The following FAM174A variants were observed in gnomAD, a reference collection of about 807,000 sequenced individuals.
FAM174A encodes the protein membrane protein FAM174A.
In FAM174A, 14 loss-of-function variants were observed where a neutral mutation model predicts 14.3. The observed-to-expected ratio is 0.98, with a 90% CI of 0.65 to 1.53. FAM174A has a LOEUF of 1.53. Ranked by LOEUF, FAM174A falls within the 40% of genes most tolerant of loss-of-function variation. FAM174A has a pLI of 0.00. For synonymous variants in FAM174A, 108 were observed against 111.4 expected, an observed-to-expected ratio of 0.97 and a Z score of 0.19; for missense variants, 241 against 249.6, an observed-to-expected ratio of 0.97 and a Z score of 0.23.
At chr5:100,576,817 T>A (rs1486209608) in intron 2 of FAM174A, among the ~76,000 whole-genome samples, 1 of 152,176 alleles carries the variant, frequency 6.6e-6, no homozygotes. Flanking sequence ...TTAGAGGCAA[T>A]TTTTTTGTTT....
At chr5:100,555,415 A>G (rs1193491197) in intron 1 of FAM174A, among the ~76,000 whole-genome samples, 1 of 152,122 alleles carries the variant, frequency 6.6e-6, no homozygotes. Flanking sequence ...TTATAGCAGC[A>G]TGTTTTATAG....
At chr5:100,582,964 T>C (rs1190224137) in intron 2 of FAM174A, among the ~76,000 whole-genome samples, 5 of 152,204 alleles carry the variant, frequency 3.3e-5, no homozygotes, top group African/African-American at 1.2e-4. Flanking sequence ...ACTTAACTAC[T>C]AATAACCTGC....
intron 2 of FAM174A, among the ~76,000 whole-genome samples, chr5:100,583,260 G>A (rs1747055865): frequency 6.6e-6 from 1 of 152,100 alleles, no homozygotes; most frequent in African/African-American, 2.4e-5. Context: ...TGAAGCAGGT[G>A]GAAGGGGAGG....
chr5:100,549,278 A>G (rs1458872867), intron 1 of FAM174A, among the ~76,000 whole-genome samples: 1 of 152,166 alleles, frequency 6.6e-6, no homozygotes, highest in Admixed American at 6.6e-5. Context: ...ACTTTTAGAA[A>G]TGGAGGTCAG....
Position 100,556,724 on chromosome 5 carries a change from C to G in FAM174A, c.435-5330C>G, listed in dbSNP as rs143679155. ...AAGCAATTGTGAATGGAAGTTCACT[C>G]ATGATTTGGCTGTCCGTTTGTCTGT... On this transcript the variant is annotated intron_variant, in intron 1 of 2. Transcript: ENST00000312637. Among the ~76,000 whole-genome samples, 1,250 of 152,240 alleles carry G rather than the reference C, an allele frequency of 8.2e-3. 14 individuals carry two copies. The highest frequency in any genetic ancestry group is 0.029 in the African/African-American group (1,190 of 41,546).
chr5:100,555,986 CTTTTGGTG>C (rs1746369821), intron 1 of FAM174A, among the ~76,000 whole-genome samples: 1 of 152,120 alleles, frequency 6.6e-6, no homozygotes. Context: ...GTTGCCATTG[CTTTTGGTG>C]TTTTCGACAT....
At chr5:100,561,263 T>C (rs1181737417) in intron 1 of FAM174A, among the ~76,000 whole-genome samples, 1 of 151,996 alleles carries the variant, frequency 6.6e-6, no homozygotes, top group African/African-American at 2.4e-5. Context: ...AAGCCAGTGG[T>C]TCTCAAACTT....
At chr5:100,573,846 CA>C (rs1477582195) in intron 2 of FAM174A, among the ~76,000 whole-genome samples, 1 of 151,416 alleles carries the variant, frequency 6.6e-6, no homozygotes, top group East Asian at 1.9e-4. Flanking sequence ...CTACAGTAAC[CA>C]AAACAGCATG....
Position 100,562,157 on chromosome 5 carries a change from A to C in FAM174A, c.538A>C (p.Asn180His). The stretch of plus-strand genomic sequence containing the variant: ...AGAACAGGATGATGAGGATGATGAC[A>C]ACACGTTGTTTGATGCCAATCATCC... ...PLEQDDEDDD[N>H]TLFDANHPRR The change falls in exon 2 of 3, where the codon AAC becomes CAC. Residue 180 changes from asparagine to histidine, a missense_variant. Coordinates refer to ENST00000312637, the MANE Select transcript of FAM174A (RefSeq NM_198507.3). 6.3e-7 allele frequency: 1 copy of C among 1,582,730 alleles called. No individual in the cohort carries two copies. The highest frequency in any genetic ancestry group is 8.6e-7 in the Non-Finnish European group (1 of 1,167,500).
chr5:100,556,337 T>G lies in FAM174A; in HGVS notation c.435-5717T>G, dbSNP rs1467598766. Reference sequence around the variant, plus strand: ...GGTATCAGTACCATGCTGTTTTGGTTACTGTAGCCTTGTAGTATAGTTTGA... The same window carrying G: ...GGTATCAGTACCATGCTGTTTTGGTGACTGTAGCCTTGTAGTATAGTTTGA... On this transcript the variant is annotated intron_variant, in intron 1 of 2. Transcript: ENST00000312637. Among the ~76,000 whole-genome samples the G allele has an allele frequency of 3.3e-5, 5 of 152,316 alleles. No homozygotes were observed. In the East Asian group the frequency reaches 9.6e-4, roughly 29 times the overall value.
chr5:100,565,473 G>C (rs895708728), intron 2 of FAM174A, among the ~76,000 whole-genome samples: 3 of 151,804 alleles, frequency 2.0e-5, no homozygotes, highest in African/African-American at 7.2e-5. Flanking sequence ...GTGCATGTAA[G>C]TTAATAGCCA....
chr5:100,544,988 G>A (rs1480542399), intron 1 of FAM174A, among the ~76,000 whole-genome samples: 4 of 152,192 alleles, frequency 2.6e-5, no homozygotes, highest in East Asian at 1.9e-4. Flanking sequence ...TACAGCAAGC[G>A]TCTATTCTGA....
At chr5:100,562,327 G>C in intron 2 of FAM174A, 139 bp downstream of exon 2, 1 of 683,316 alleles carries the variant, frequency 1.5e-6, no homozygotes. Context: ...AGTTCTTTTT[G>C]CTATCTACCC....
At chr5:100,544,864 T>C (rs966061635) in intron 1 of FAM174A, among the ~76,000 whole-genome samples, 9 of 152,234 alleles carry the variant, frequency 5.9e-5, no homozygotes, top group Non-Finnish European at 1.2e-4. Context: ...TGGTTAGTTA[T>C]TGCAAAGTTT....
In FAM174A at chr5:100,586,290, G is replaced by A; in HGVS notation, c.*106G>A. The A allele has an allele frequency of 1.4e-6, 1 of 697,900 alleles. No individual in the cohort carries two copies. The allele number at this position is 697,900 out of a possible 1,614,324, so 43.2% of individuals were successfully genotyped here. Reference sequence around the variant, plus strand: ...ATATCAATGTTGGGGGGGTATTTAAGTTACATATATTTTAACAACCTTTAA... The same window carrying A: ...ATATCAATGTTGGGGGGGTATTTAAATTACATATATTTTAACAACCTTTAA... On this transcript the variant is annotated 3_prime_UTR_variant, in exon 3 of 3. Coordinates refer to ENST00000312637, the MANE Select transcript of FAM174A (RefSeq NM_198507.3).
At chr5:100,557,594 A>G (rs1177830547) in intron 1 of FAM174A, among the ~76,000 whole-genome samples, 1 of 151,996 alleles carries the variant, frequency 6.6e-6, no homozygotes, top group African/African-American at 2.4e-5. Flanking sequence ...ATAGGCTATT[A>G]ATTATTGCCT....
At chr5:100,555,203 T>A (rs2112377624) in intron 1 of FAM174A, among the ~76,000 whole-genome samples, 1 of 152,098 alleles carries the variant, frequency 6.6e-6, no homozygotes, top group South Asian at 2.1e-4. Flanking sequence ...CTTGCGACAG[T>A]TTGCTGAGAA....
intron 1 of FAM174A, among the ~76,000 whole-genome samples, chr5:100,537,473 T>C (rs1208072179): frequency 6.6e-6 from 1 of 152,204 alleles, no homozygotes; most frequent in Non-Finnish European, 1.5e-5. Context: ...TTAATTAATA[T>C]GGTAAAGTTG....
chr5:100,563,726 A>G (rs1490608942), intron 2 of FAM174A, among the ~76,000 whole-genome samples: 2 of 151,922 alleles, frequency 1.3e-5, no homozygotes, highest in Non-Finnish European at 2.9e-5. Flanking sequence ...ACTCTGAGAT[A>G]AATCATCTTA....
Sources: gnomAD v4.1 joint callset for allele counts (sites outside exome capture counted in the v4.1 genomes callset) on GRCh38, gnomAD v4.1.1 for gene constraint, MANE v1.5 for transcripts, NCBI Gene and HGNC (gene_info 2026-07-23, HGNC 2026-07-21) for gene names.